The following GPHN variants were observed in gnomAD, a reference collection of about 807,000 sequenced individuals.
GPHN encodes gephyrin.
In GPHN, 17 loss-of-function variants were observed where a neutral mutation model predicts 95.5. The ratio of observed to expected loss-of-function variants is 0.18; its 90% CI spans 0.12 to 0.27. The LOEUF (loss-of-function observed/expected upper bound fraction) is 0.27. GPHN is among the 10% of genes least tolerant of loss of function. GPHN has a pLI of 1.00. For missense variants in GPHN, 660 were observed against 978.1 expected (o/e 0.67, Z 4.34); for synonymous variants, 320 against 322.5 (o/e 0.99, Z 0.08).
At chr14:67,729,235 T>C in the GPHN span, 3 of 1,610,898 alleles carry the variant, frequency 1.9e-6, no homozygotes, top group Non-Finnish European at 2.5e-6. Flanking sequence ...CGTCGTCCGC[T>C]CTGAGCTGGT....
the GPHN span, among the ~76,000 whole-genome samples, chr14:67,367,795 C>T: frequency 3.7e-4 from 56 of 151,346 alleles, no homozygotes; most frequent in Admixed American, 2.6e-3. Context: ...AAGATTGCAC[C>T]GCTGCACTCC....
intron 10 of GPHN, among the ~76,000 whole-genome samples, chr14:67,035,993 C>G (rs982026157): frequency 6.6e-6 from 1 of 151,626 alleles, no homozygotes; most frequent in Non-Finnish European, 1.5e-5. Flanking sequence ...AAATCCTCAA[C>G]AAAATACTAG....
At chr14:67,409,574 C>T in the GPHN span, among the ~76,000 whole-genome samples, 28 of 152,266 alleles carry the variant, frequency 1.8e-4, no homozygotes, top group African/African-American at 5.5e-4. Flanking sequence ...CTCCTGCTCA[C>T]GGCTCATCCC....
chr14:66,774,455 T>A (rs1332938292), intron 2 of GPHN, among the ~76,000 whole-genome samples: 1 of 152,246 alleles, frequency 6.6e-6, no homozygotes, highest in African/African-American at 2.4e-5. Flanking sequence ...TAGTAAGACA[T>A]GGTTAGCAAT....
At chr14:66,756,273 C>T (rs1269678225) in intron 2 of GPHN, among the ~76,000 whole-genome samples, 1 of 151,980 alleles carries the variant, frequency 6.6e-6, no homozygotes, top group Non-Finnish European at 1.5e-5. Context: ...TTATTTAATG[C>T]TTTTTTTCAA....
chr14:67,087,231 T>C (rs1209563652), intron 11 of GPHN, among the ~76,000 whole-genome samples: 1 of 152,126 alleles, frequency 6.6e-6, no homozygotes, highest in East Asian at 1.9e-4. Context: ...CCACTATTAG[T>C]GCACTATTCA....
In GPHN at chr14:66,905,259, A is replaced by G. The variant is rs559162406; in HGVS notation, c.390-10744A>G. 2.6e-5 allele frequency among the ~76,000 whole-genome samples: 4 copies of G among 152,170 alleles called. No homozygotes were observed. In the South Asian group the frequency reaches 8.3e-4, roughly 32 times the overall value. On this transcript the variant is annotated intron_variant, in intron 5 of 22. Transcript: ENST00000478722. ...TGAACAAATATATATCTCAGTTCCA[A>G]GGTTAATGTTTGGTTTTTAATTATT...
chr14:67,273,117 C>T, the GPHN span, among the ~76,000 whole-genome samples: 18 of 143,036 alleles, frequency 1.3e-4, no homozygotes, highest in African/African-American at 4.1e-4. Context: ...ATATTTCTTT[C>T]TTTTTTTTTT....
chr14:67,107,906 T>A (rs1182572191), intron 13 of GPHN, among the ~76,000 whole-genome samples: 1 of 152,180 alleles, frequency 6.6e-6, no homozygotes, highest in Non-Finnish European at 1.5e-5. Flanking sequence ...CAATCAGCAC[T>A]CTGTTTCCCT....
the GPHN span, chr14:67,353,649 A>G: frequency 6.6e-6 from 1 of 152,108 alleles, no homozygotes. Flanking sequence ...CACCAAGCCC[A>G]GCTATATTTT....
At chr14:67,717,623 T>C in the GPHN span, among the ~76,000 whole-genome samples, 2 of 152,184 alleles carry the variant, frequency 1.3e-5, no homozygotes, top group African/African-American at 4.8e-5. Flanking sequence ...TGCCCCATAG[T>C]GAACAGCTGG....
chr14:67,656,218 C>T, the GPHN span, among the ~76,000 whole-genome samples: 45 of 150,758 alleles, frequency 3.0e-4, no homozygotes, highest in African/African-American at 1.0e-3. Context: ...TGCACTCCAG[C>T]CTGGGTGACA....
chr14:66,802,783 C>G (rs1288526728), intron 3 of GPHN, among the ~76,000 whole-genome samples: 2 of 152,170 alleles, frequency 1.3e-5, no homozygotes, highest in African/African-American at 4.8e-5. Context: ...CCTCATGACT[C>G]TGACCAGTGC....
chr14:66,795,773 A>G (rs1240201352), intron 3 of GPHN, among the ~76,000 whole-genome samples: 1 of 152,202 alleles, frequency 6.6e-6, no homozygotes, highest in Non-Finnish European at 1.5e-5. Flanking sequence ...TGCAATGCAT[A>G]ATAGTCACAT....
Position 66,508,568 on chromosome 14 carries a change from A to T in GPHN, c.41A>T (p.Gln14Leu). The stretch of plus-strand genomic sequence containing the variant: ...ATGATCCTTACTAACCACGACCATC[A>T]AATCCGTGTCGGAGTCCTTACAGGT... ...EGMILTNHDH[Q>L]IRVGVLTVSD... The change falls in exon 1 of 23, where the codon CAA becomes CTA. Residue 14 changes from glutamine (Q) to leucine (L), a missense_variant. By Grantham distance (113) the Gln-to-Leu change is moderately radical (BLOSUM62 -2). Around this residue, in one of 6 missense-constraint regions of GPHN, gnomAD observed 92 missense variants for 91.9 expected, o/e 1.00. Transcript: ENST00000478722. 6.2e-7 allele frequency: 1 copy of T among 1,614,038 alleles called. No individual in the cohort carries two copies. The highest frequency in any genetic ancestry group is 8.5e-7 in the Non-Finnish European group (1 of 1,179,888).
At chr14:66,856,940 G>A (rs2062829014) in intron 4 of GPHN, among the ~76,000 whole-genome samples, 1 of 151,790 alleles carries the variant, frequency 6.6e-6, no homozygotes, top group Admixed American at 6.6e-5. Context: ...TAGTAAACTA[G>A]AATGAAAGAA....
chr14:67,512,411 A>G, the GPHN span, among the ~76,000 whole-genome samples: 7 of 152,262 alleles, frequency 4.6e-5, no homozygotes, highest in Admixed American at 2.0e-4. Context: ...CTCCTTAGCC[A>G]GGTGTTGCCA....
chr14:66,760,252 A>G (rs1205025965), intron 2 of GPHN, among the ~76,000 whole-genome samples: 6 of 152,216 alleles, frequency 3.9e-5, no homozygotes, highest in Non-Finnish European at 8.8e-5. Flanking sequence ...TGAAAGAACA[A>G]AAGTGTTTAG....
chr14:67,651,664 T>G, the GPHN span: 1 of 488,464 alleles, frequency 2.0e-6, no homozygotes, highest in East Asian at 3.8e-5. Flanking sequence ...ACTGTCTACC[T>G]CACAGAAATG....
Sources: gnomAD v4.1 joint callset for allele counts (sites outside exome capture counted in the v4.1 genomes callset) on GRCh38, gnomAD v4.1.1 for gene constraint, gnomAD v4.1.1 regional missense constraint, MANE v1.5 for transcripts, NCBI Gene and HGNC (gene_info 2026-07-23, HGNC 2026-07-21) for gene names.